The following SWAP70 variants were observed in gnomAD, a reference collection of about 807,000 sequenced individuals.
SWAP70 encodes switch-associated protein 70.
In SWAP70, 34 loss-of-function variants were observed where a neutral mutation model predicts 80.2. That is an observed-to-expected ratio of 0.42 (90% CI 0.32 to 0.56). SWAP70 has a LOEUF of 0.56. Ranked by LOEUF, SWAP70 falls within the 20% of genes least tolerant of loss-of-function variation. The probability of loss-of-function intolerance (pLI) is 0.09; values close to 1 mark genes in which losing one functional copy is unlikely to be tolerated. For missense variants in SWAP70, 578 were observed against 690.7 expected (o/e 0.84, Z 1.83); for synonymous variants, 239 against 238.5 (o/e 1.00, Z -0.02).
At position 9,752,260 on chromosome 11, in the gene SWAP70, AGC is replaced by A. The variant is rs1346518154; in HGVS notation, c.*2291_*2292del. On this transcript the variant is annotated 3_prime_UTR_variant, in exon 12 of 12. Transcript: ENST00000318950. ...TAAACCTGGCTTATTCCACAGCTGT[AGC>A]TGATAACATGACCTGGGGCTTAGCT... 6.6e-6 allele frequency: 1 copy of A among 152,254 alleles called. No individual in the cohort carries two copies. The highest frequency in any genetic ancestry group is 1.5e-5 in the Non-Finnish European group (1 of 68,050). 9.4% of individuals were successfully genotyped at this position (152,254 alleles called of 1,614,324 possible).
chr11:9,713,260 A>T (rs972685662), intron 2 of SWAP70, among the ~76,000 whole-genome samples: 3 of 152,206 alleles, frequency 2.0e-5, no homozygotes, highest in Non-Finnish European at 2.9e-5. Flanking sequence ...ATATGGACAG[A>T]TGTTGGTTCA....
chr11:9,736,903 G>A (rs1851370158), intron 7 of SWAP70, among the ~76,000 whole-genome samples: 1 of 147,592 alleles, frequency 6.8e-6, no homozygotes, highest in South Asian at 2.1e-4. Flanking sequence ...CTCTTTCTCT[G>A]GTTCTGTCTG....
At chr11:9,672,530 ATTTTTTTTT>A (rs58704706) in intron 1 of SWAP70, among the ~76,000 whole-genome samples, 2 of 88,380 alleles carry the variant, frequency 2.3e-5, no homozygotes, top group Non-Finnish European at 4.1e-5. Flanking sequence ...CACCTGGCTA[ATTTTTTTTT>A]TTTTTTTTTT....
In SWAP70 at chr11:9,682,561, G is replaced by A. The variant is rs1004654235; in HGVS notation, c.100-11585G>A. Among the ~76,000 whole-genome samples, 5 of 152,276 alleles carry A rather than the reference G, an allele frequency of 3.3e-5. No homozygotes were observed. In the South Asian group the frequency reaches 8.3e-4, roughly 25 times the overall value. Reference sequence around the variant, plus strand: ...ATTTGAATAGAGATGACTTAAGGTTGTCAGAATAAAATCACTTTCTTTTTT... The same window carrying A: ...ATTTGAATAGAGATGACTTAAGGTTATCAGAATAAAATCACTTTCTTTTTT... On this transcript the variant is annotated intron_variant, in intron 1 of 11. Coordinates refer to ENST00000318950, the MANE Select transcript of SWAP70 (RefSeq NM_015055.4).
At chr11:9,749,829 A>C in intron 11 of SWAP70, 35 bp from the exon 12 acceptor site, 1 of 1,355,078 alleles carries the variant, frequency 7.4e-7, no homozygotes, top group Non-Finnish European at 1.1e-6. Context: ...GAAGAATATA[A>C]TACTTCCTGT....
chr11:9,664,561 C>T lies in SWAP70; in HGVS notation c.99+283C>T, dbSNP rs186830160. Among the ~76,000 whole-genome samples the T allele has an allele frequency of 7.9e-4, 121 of 152,334 alleles. 3 individuals are homozygous for T. Among genetic ancestry groups the T allele is most frequent in the African/African-American group, 2.8e-3 (115 of 41,588 alleles). ...TAAGGCTGGGGTGAAGTCTGGAGGG[C>T]CAAGTGTGATTCCTTCTTGGCGTTG... On this transcript the variant is annotated intron_variant, in intron 1 of 11. Coordinates refer to ENST00000318950, the MANE Select transcript of SWAP70 (RefSeq NM_015055.4).
At chr11:9,723,835 C>G (rs538012406) in intron 3 of SWAP70, among the ~76,000 whole-genome samples, 18 of 147,234 alleles carry the variant, frequency 1.2e-4, no homozygotes, top group African/African-American at 4.3e-4. Context: ...TGCAGTGGCA[C>G]AATCGCCGCT....
intron 2 of SWAP70, among the ~76,000 whole-genome samples, chr11:9,705,551 G>A (rs554868296): frequency 2.2e-5 from 3 of 136,636 alleles, no homozygotes; most frequent in African/African-American, 9.2e-5. Context: ...GGTGATCTGT[G>A]TACACTTTGT....
At chr11:9,670,167 C>T (rs953927326) in intron 1 of SWAP70, among the ~76,000 whole-genome samples, 7 of 151,728 alleles carry the variant, frequency 4.6e-5, no homozygotes, top group African/African-American at 7.3e-5. Context: ...GCAATAGCCC[C>T]GATAAGAGGT....
chr11:9,730,046 G>T (rs1590042338), intron 6 of SWAP70, among the ~76,000 whole-genome samples: 1 of 152,212 alleles, frequency 6.6e-6, no homozygotes, highest in Non-Finnish European at 1.5e-5. Context: ...TGAAATCTGG[G>T]CTTTTAGTGT....
chr11:9,705,919 T>C (rs373403343), intron 2 of SWAP70, among the ~76,000 whole-genome samples: 5 of 41,988 alleles, frequency 1.2e-4, no homozygotes, highest in African/African-American at 5.1e-4. Flanking sequence ...GATCTGTGTA[T>C]ACTTGGTGAT....
intron 1 of SWAP70, among the ~76,000 whole-genome samples, chr11:9,666,195 C>T (rs965525327): frequency 7.9e-5 from 12 of 151,532 alleles, no homozygotes; most frequent in East Asian, 7.7e-4. Context: ...TAGAGATTCT[C>T]GTGCCTCAGC....
chr11:9,687,067 C>G (rs796991005), intron 1 of SWAP70, among the ~76,000 whole-genome samples: 5 of 152,232 alleles, frequency 3.3e-5, no homozygotes, highest in African/African-American at 1.2e-4. Flanking sequence ...GCATCTTTTC[C>G]TATATTTTAT....
At chr11:9,721,499 C>A (rs1851137371) in intron 3 of SWAP70, among the ~76,000 whole-genome samples, 1 of 148,530 alleles carries the variant, frequency 6.7e-6, no homozygotes, top group Non-Finnish European at 1.5e-5. Flanking sequence ...TGAGATAGGG[C>A]CTTGTTCTGT....
intron 1 of SWAP70, among the ~76,000 whole-genome samples, chr11:9,672,110 T>C (rs1850421575): frequency 7.7e-6 from 1 of 129,704 alleles, no homozygotes; most frequent in Admixed American, 8.8e-5. Flanking sequence ...TATAATATAA[T>C]ATAATTTAAA....
At chr11:9,725,553 ATATATATATATATATATTTTTTTT>A (rs1185997590) in intron 4 of SWAP70, among the ~76,000 whole-genome samples, 10 of 21,576 alleles carry the variant, frequency 4.6e-4, no homozygotes, top group African/African-American at 6.3e-4. Flanking sequence ...ATATATATAT[ATATATATATATATATATTTTTTTT>A]TTTTTTTTTT....
At chr11:9,726,193 A>G (rs1366786454) in intron 4 of SWAP70, among the ~76,000 whole-genome samples, 1 of 152,190 alleles carries the variant, frequency 6.6e-6, no homozygotes, top group East Asian at 1.9e-4. Context: ...ACCTTTATGT[A>G]GCAAAGTTGC....
chr11:9,739,234 C>T (rs768029036), intron 8 of SWAP70, among the ~76,000 whole-genome samples: 14 of 152,214 alleles, frequency 9.2e-5, no homozygotes, highest in Non-Finnish European at 1.9e-4. Context: ...GGTCTTCTCA[C>T]ATTGAGTGAT....
At chr11:9,688,682 G>T (rs1850660514) in intron 1 of SWAP70, among the ~76,000 whole-genome samples, 1 of 152,086 alleles carries the variant, frequency 6.6e-6, no homozygotes, top group African/African-American at 2.4e-5. Context: ...TTGAAGATTT[G>T]GTGTAAGTGT....
Sources: gnomAD v4.1 joint callset for allele counts (sites outside exome capture counted in the v4.1 genomes callset) on GRCh38, gnomAD v4.1.1 for gene constraint, MANE v1.5 for transcripts, NCBI Gene and HGNC (gene_info 2026-07-23, HGNC 2026-07-21) for gene names.